CAMK2D: variants seen among roughly 807,000 people sequenced by gnomAD.
CAMK2D encodes the protein calcium/calmodulin-dependent protein kinase type II subunit delta.
Under a neutral mutation model 84.0 loss-of-function variants are expected in CAMK2D, and 37 were observed. That is an observed-to-expected ratio of 0.44 (90% CI 0.34 to 0.58). The LOEUF is 0.58. Among genes scored for constraint, CAMK2D ranks in the 20% least tolerant of loss-of-function variants. CAMK2D has a pLI of 0.02. For synonymous variants in CAMK2D, 202 were observed against 212.5 expected (o/e 0.95, Z 0.43); for missense variants, 448 against 652.5 (o/e 0.69, Z 3.41).
chr4:113,573,053 G>A (rs1380842608), intron 4 of CAMK2D, among the ~76,000 whole-genome samples: 1 of 152,172 alleles, frequency 6.6e-6, no homozygotes, highest in Non-Finnish European at 1.5e-5. Flanking sequence ...AGGAAGGAGG[G>A]TGGGAGGAGG....
intron 20 of CAMK2D, 134 bp from the exon 21 acceptor site, chr4:113,454,649 A>G: frequency 1.7e-6 from 1 of 582,474 alleles, no homozygotes; most frequent in Non-Finnish European, 3.2e-6. Context: ...ACTATGTATA[A>G]GAGATGTTTG....
At chr4:113,595,445 T>A in intron 4 of CAMK2D, among the ~76,000 whole-genome samples, 1 of 62,908 alleles carries the variant, frequency 1.6e-5, no homozygotes, top group South Asian at 3.8e-4. Flanking sequence ...TATGCTTGTG[T>A]GTGTGTGTGT....
rs560836720 is a variant in CAMK2D, at chr4:113,581,438, G to A, written c.275+27714C>T. On this transcript the variant is annotated intron_variant, in intron 4 of 20. Transcript: ENST00000511664. ...TGAGGCAGGAGATTCACTTGAACCC[G>A]GGAGGCGGAGGTTGCGGTGAGCCAA... 4.6e-5 allele frequency among the ~76,000 whole-genome samples: 7 copies of A among 151,130 alleles called. No homozygotes were observed. In the East Asian group the frequency reaches 1.2e-3, roughly 25 times the overall value.
chr4:113,611,375 G>C (rs2098999596), intron 3 of CAMK2D, among the ~76,000 whole-genome samples: 1 of 152,050 alleles, frequency 6.6e-6, no homozygotes, highest in South Asian at 2.1e-4. Flanking sequence ...CTTAAATAAT[G>C]GCATGGCTTC....
At chr4:113,676,279 C>T (rs1009649203) in intron 2 of CAMK2D, among the ~76,000 whole-genome samples, 1 of 152,204 alleles carries the variant, frequency 6.6e-6, no homozygotes, top group South Asian at 2.1e-4. Flanking sequence ...TTCATTTCCA[C>T]TCGATTTCAG....
chr4:113,754,017 G>A, intron 2 of CAMK2D: 2 of 934,950 alleles, frequency 2.1e-6, no homozygotes, highest in Non-Finnish European at 2.5e-6. Flanking sequence ...ACTGTCCACT[G>A]AAATCATTTA....
At chr4:113,523,096 C>CAA in intron 8 of CAMK2D, among the ~76,000 whole-genome samples, 1 of 152,288 alleles carries the variant, frequency 6.6e-6, no homozygotes, top group East Asian at 1.9e-4. Context: ...GGGCCCTCAC[C>CAA]AAAACCTGAC....
chr4:113,470,917 G>T lies in CAMK2D; in HGVS notation c.1136-5313C>A, dbSNP rs75202527. On this transcript the variant is annotated intron_variant, in intron 16 of 20. Coordinates refer to ENST00000511664, the MANE Select transcript of CAMK2D (RefSeq NM_001321571.2). ...TAGTAGGTCCAGAACAAACTCAATTGGTTTCGATTCCCAATCCAATGACCT... is the reference window on the plus strand; with the variant it reads ...TAGTAGGTCCAGAACAAACTCAATTTGTTTCGATTCCCAATCCAATGACCT... Among the ~76,000 whole-genome samples, 612 of 152,206 alleles carry T rather than the reference G, an allele frequency of 4.0e-3. 4 individuals carry two copies. Among genetic ancestry groups the T allele is most frequent in the African/African-American group, 0.014 (584 of 41,550 alleles).
At chr4:113,475,581 A>G (rs989631522) in intron 16 of CAMK2D, among the ~76,000 whole-genome samples, 2 of 152,216 alleles carry the variant, frequency 1.3e-5, no homozygotes, top group Non-Finnish European at 2.9e-5. Flanking sequence ...GGTAGAAGCT[A>G]AGCAGTTTTA....
At chr4:113,619,817 C>T (rs1232310876) in intron 3 of CAMK2D, among the ~76,000 whole-genome samples, 1 of 152,016 alleles carries the variant, frequency 6.6e-6, no homozygotes, top group Non-Finnish European at 1.5e-5. Flanking sequence ...AAGACATGTC[C>T]AGAAAACTGA....
Position 113,517,558 on chromosome 4 carries a change from C to A in CAMK2D, c.696+5G>T. Reference sequence around the variant, plus strand: ...TCTAAAGTGATATAAATAGTTATTACATACATCATAAGCTCCAGCCTTGAT... The same window carrying A: ...TCTAAAGTGATATAAATAGTTATTAAATACATCATAAGCTCCAGCCTTGAT... On this transcript the variant is annotated splice_donor_5th_base_variant and intron_variant, in intron 9 of 20. Coordinates refer to ENST00000511664, the MANE Select transcript of CAMK2D (RefSeq NM_001321571.2). The A allele has an allele frequency of 7.1e-7, 1 of 1,414,052 alleles. No homozygotes were observed. 87.6% of individuals were successfully genotyped at this position (1,414,052 alleles called of 1,614,324 possible). A position where few individuals can be genotyped will look rare whatever the true frequency, so the allele number is the denominator to read the frequency against.
At chr4:113,613,589 A>C (rs2099009563) in intron 3 of CAMK2D, among the ~76,000 whole-genome samples, 1 of 152,176 alleles carries the variant, frequency 6.6e-6, no homozygotes, top group Non-Finnish European at 1.5e-5. Flanking sequence ...GTACAGAGGT[A>C]GCTAGATGAT....
chr4:113,743,199 G>A (rs777174785), intron 2 of CAMK2D, among the ~76,000 whole-genome samples: 2 of 152,122 alleles, frequency 1.3e-5, no homozygotes, highest in Non-Finnish European at 2.9e-5. Flanking sequence ...ATAACAGAAT[G>A]ACAATATCAA....
At chr4:113,718,714 T>C (rs1418855091) in intron 2 of CAMK2D, among the ~76,000 whole-genome samples, 1 of 152,230 alleles carries the variant, frequency 6.6e-6, no homozygotes, top group Non-Finnish European at 1.5e-5. Flanking sequence ...CTCCCGAAGT[T>C]AGTTCGGCCT....
intron 2 of CAMK2D, among the ~76,000 whole-genome samples, chr4:113,732,549 A>T (rs1044550676): frequency 1.3e-5 from 2 of 152,208 alleles, no homozygotes; most frequent in African/African-American, 4.8e-5. Flanking sequence ...AATCAAAATG[A>T]TATTAATTCA....
At chr4:113,502,237 T>A (rs1048189043) in intron 15 of CAMK2D, among the ~76,000 whole-genome samples, 1 of 152,106 alleles carries the variant, frequency 6.6e-6, no homozygotes, top group African/African-American at 2.4e-5. Context: ...TTAGTTAACA[T>A]GCTATACAAA....
At chr4:113,663,862 T>A (rs1305233329) in intron 2 of CAMK2D, among the ~76,000 whole-genome samples, 1 of 152,104 alleles carries the variant, frequency 6.6e-6, no homozygotes, top group Non-Finnish European at 1.5e-5. Context: ...TGAGCTGAAC[T>A]GTTGTTTCCC....
intron 2 of CAMK2D, among the ~76,000 whole-genome samples, chr4:113,743,567 C>T (rs2099597686): frequency 6.6e-6 from 1 of 152,180 alleles, no homozygotes. Flanking sequence ...ACCTCAAAAC[C>T]TTTCGGTATG....
chr4:113,670,751 C>G (rs2099277714), intron 2 of CAMK2D, among the ~76,000 whole-genome samples: 1 of 150,674 alleles, frequency 6.6e-6, no homozygotes, highest in Non-Finnish European at 1.5e-5. Context: ...AAACACATCT[C>G]TACTAAAAAT....
Sources: gnomAD v4.1 joint callset for allele counts (sites outside exome capture counted in the v4.1 genomes callset) on GRCh38, gnomAD v4.1.1 for gene constraint, MANE v1.5 for transcripts, NCBI Gene and HGNC (gene_info 2026-07-23, HGNC 2026-07-21) for gene names.